CYP11B2: variants seen among roughly 807,000 people sequenced by gnomAD.
CYP11B2 encodes cytochrome P450 family 11 subfamily B member 2.
In CYP11B2, 38 loss-of-function variants were observed where a neutral mutation model predicts 49.3. The ratio of observed to expected loss-of-function variants is 0.77; its 90% confidence interval spans 0.59 to 1.01. CYP11B2 has a LOEUF of 1.01. CYP11B2 is among the 50% of genes least tolerant of loss of function. The probability of loss-of-function intolerance (pLI) is 0.00; values close to 1 mark genes in which losing one functional copy is unlikely to be tolerated. For missense variants in CYP11B2, 669 were observed against 655.5 expected, an observed-to-expected ratio of 1.02 and a Z score of -0.23; for synonymous variants, 290 against 269.3, an observed-to-expected ratio of 1.08 and a Z score of -0.75.
chr8:142,913,643 G>A (rs1413851278), intron 5 of CYP11B2, among the ~76,000 whole-genome samples, 192 bp from the exon 6 acceptor site: 2 of 152,090 alleles, frequency 1.3e-5, no homozygotes, highest in African/African-American at 2.4e-5. Context: ...AGGGAAAGGT[G>A]ACCCCCATCT....
intron 5 of CYP11B2, 34 bp downstream of exon 5, chr8:142,914,230 A>G: frequency 2.5e-6 from 4 of 1,613,410 alleles, no homozygotes; most frequent in Non-Finnish European, 3.4e-6. Context: ...GCTTGGCATC[A>G]CCCTCTCTGG....
At chr8:142,912,437 C>A (rs1301707680) in intron 8 of CYP11B2, 93 bp downstream of exon 8, 11 of 1,378,690 alleles carry the variant, frequency 8.0e-6, no homozygotes, top group Non-Finnish European at 1.0e-5. Context: ...TCCACTGTTC[C>A]CAGGTGTCAA....
rs1311444460 is a variant in CYP11B2 at position 142,912,585 on chromosome 8, C to T, written c.1343G>A (p.Arg448His). ...TGCCAGGCGCCGCCCGAGGCACTGG[C>T]GCATGCCAAAGCCAAAGGGCACGTG... ...FHHVPFGFGM[R>H]QCLGRRLAEA... The change falls in exon 8 of 9, where the codon CGC becomes CAC. Residue 448 changes from arginine to histidine, a missense_variant. Physicochemically the swap from Arg to His is conservative, Grantham distance 29 (BLOSUM62 0). Coordinates refer to ENST00000323110, the MANE Select transcript of CYP11B2 (RefSeq NM_000498.3). 9 of 1,614,042 alleles carry T rather than the reference C, an allele frequency of 5.6e-6. No individual in the cohort carries two copies. In the Admixed American group the frequency reaches 6.7e-5, roughly 12 times the overall value.
chr8:142,911,067 C>T lies in CYP11B2; in HGVS notation c.*913G>A, dbSNP rs1817524543. 6.6e-6 allele frequency: 1 copy of T among 152,112 alleles called. No individual in the cohort carries two copies. The highest frequency in any genetic ancestry group is 6.5e-5 in the Admixed American group (1 of 15,276). The allele number at this position is 152,112 out of a possible 1,614,324, so 9.4% of individuals were successfully genotyped here. ...GAACTGCAGCCTCCCTGTGCCCACCCCAGGTCGTGGCACATGACATGGCTC... is the reference window on the plus strand; with the variant it reads ...GAACTGCAGCCTCCCTGTGCCCACCTCAGGTCGTGGCACATGACATGGCTC... On this transcript the variant is annotated 3_prime_UTR_variant, in exon 9 of 9. Transcript: ENST00000323110.
At chr8:142,913,574 C>A in intron 5 of CYP11B2, 123 bp from the exon 6 acceptor site, 1 of 1,152,332 alleles carries the variant, frequency 8.7e-7, no homozygotes, top group Non-Finnish European at 1.3e-6. Flanking sequence ...AAAACAGAGC[C>A]CTGGGACCCC....
At chr8:142,912,506 G>GCCCCC in intron 8 of CYP11B2, 24 bp downstream of exon 8, 5 of 1,531,922 alleles carry the variant, frequency 3.3e-6, no homozygotes, top group Non-Finnish European at 4.5e-6. Flanking sequence ...CCCAGGTCCC[G>GCCCCC]CCCCCGCCCC....
At chr8:142,913,133 C>G (rs1302039771) in intron 6 of CYP11B2, 152 bp downstream of exon 6, 2 of 959,898 alleles carry the variant, frequency 2.1e-6, no homozygotes, top group African/African-American at 3.3e-5. Context: ...AAGAAGAGCT[C>G]CCTGTCCTTG....
chr8:142,916,120 CAGGTACAGAG>C (rs529279948), intron 2 of CYP11B2, among the ~76,000 whole-genome samples: 123 of 152,232 alleles, frequency 8.1e-4, no homozygotes, highest in African/African-American at 2.9e-3. Flanking sequence ...TGTGCAAATG[CAGGTACAGAG>C]AAACACACAG....
At chr8:142,914,468 C>T (rs373759720) in intron 4 of CYP11B2, 50 bp from the exon 5 acceptor site, 38 of 1,531,976 alleles carry the variant, frequency 2.5e-5, no homozygotes, top group Non-Finnish European at 3.3e-5. Flanking sequence ...TGGGAAGCAT[C>T]CTTCAGTGTC....
intron 6 of CYP11B2, 65 bp downstream of exon 6, chr8:142,913,220 C>G (rs1416752957): frequency 7.0e-6 from 11 of 1,567,118 alleles, no homozygotes; most frequent in Admixed American, 1.7e-5. Context: ...TGTCTGCCAC[C>G]ACCCAGTGGG....
At chr8:142,917,460 T>C (rs1261255545) in intron 1 of CYP11B2, 142 bp downstream of exon 1, 17 of 1,608,996 alleles carry the variant, frequency 1.1e-5, no homozygotes, top group Middle Eastern at 1.7e-4. Context: ...CAGACCAGCA[T>C]GTGCTGCACT....
rs1473893692 is a variant in CYP11B2 at position 142,915,297 on chromosome 8, C to G, written c.396-52G>C. On this transcript the variant is annotated intron_variant, in intron 2 of 8. Transcript: ENST00000323110. Reference sequence around the variant, plus strand: ...AGGCCGCCCCAGCAAGACACAGGCCCTGACCCGTATCCCATCCTCCTTGTC... The same window carrying G: ...AGGCCGCCCCAGCAAGACACAGGCCGTGACCCGTATCCCATCCTCCTTGTC... 4.0e-6 allele frequency: 6 copies of G among 1,481,680 alleles called. No homozygotes were observed. In the South Asian group the frequency reaches 7.2e-5, roughly 18 times the overall value. 91.8% of individuals were successfully genotyped at this position (1,481,680 alleles called of 1,614,324 possible). A position where few individuals can be genotyped will look rare whatever the true frequency, so the allele number is the denominator to read the frequency against.
chr8:142,912,087 T>C lies in CYP11B2; in HGVS notation c.1405A>G (p.Lys469Glu). The C allele has an allele frequency of 6.2e-7, 1 of 1,613,988 alleles. No individual in the cohort carries two copies. Among genetic ancestry groups the C allele is most frequent in the Non-Finnish European group, 8.5e-7 (1 of 1,179,920 alleles). Reference sequence around the variant, plus strand: ...GTTAGTGTCTCCACCAGGAAGTGCTTCAGCACCTAGGACAGAGGCTGGGTT... The same window carrying C: ...GTTAGTGTCTCCACCAGGAAGTGCTCCAGCACCTAGGACAGAGGCTGGGTT... ...EMLLLLHHVL[K>E]HFLVETLTQE... The change falls in exon 9 of 9, where the codon AAG (lysine) becomes GAG (glutamate). Residue 469 changes from lysine (K) to glutamate (E), a missense_variant. Physicochemically the swap from Lys to Glu is moderately conservative, Grantham distance 56. Transcript: ENST00000323110.
At chr8:142,914,132 C>T in intron 5 of CYP11B2, 132 bp downstream of exon 5, 1 of 1,038,282 alleles carries the variant, frequency 9.6e-7, no homozygotes. Flanking sequence ...AGGGGGAAGG[C>T]TGAGGGCAAC....
intron 2 of CYP11B2, among the ~76,000 whole-genome samples, chr8:142,915,461 G>T (rs28497862): frequency 0.4 from 59,784 of 149,754 alleles, 12,699 homozygotes; most frequent in Non-Finnish European, 0.46. Flanking sequence ...GGGATGAGAT[G>T]GTAGCTTCTG....
Position 142,917,702 on chromosome 8 carries a change from T to C in CYP11B2, c.139A>G (p.Asn47Asp), listed in dbSNP as rs759479371. The stretch of plus-strand genomic sequence containing the variant: ...ATCTGCAGCAGCCTCAGCCACCTGT[T>C]GCCTGGATGCTGGGGCATGGCTTCA... ...PFEAMPQHPG[N>D]RWLRLLQIWR... The change falls in exon 1 of 9, where the codon AAC (asparagine) becomes GAC (aspartate). Residue 47 changes from asparagine (N) to aspartate (D), a missense_variant. Physicochemically the swap from Asn to Asp is conservative, Grantham distance 23 (BLOSUM62 1). Coordinates refer to ENST00000323110, the MANE Select transcript of CYP11B2 (RefSeq NM_000498.3). 6.2e-7 allele frequency: 1 copy of C among 1,614,156 alleles called. No individual in the cohort carries two copies. The highest frequency in any genetic ancestry group is 1.1e-5 in the South Asian group (1 of 91,084).
intron 2 of CYP11B2, chr8:142,916,375 C>T (rs763409506): frequency 1.1e-5 from 5 of 456,138 alleles, no homozygotes; most frequent in South Asian, 7.8e-5. Flanking sequence ...GTGACATCCT[C>T]ATCCAGTCCT....
intron 4 of CYP11B2, 31 bp downstream of exon 4, chr8:142,914,674 C>T (rs2130329609): frequency 6.4e-7 from 1 of 1,566,036 alleles, no homozygotes; most frequent in African/African-American, 1.4e-5. Flanking sequence ...GTGTCCCTTC[C>T]CCATAGCACT....
At chr8:142,917,471 C>G (rs1354141091) in intron 1 of CYP11B2, 131 bp downstream of exon 1, 11 of 1,612,260 alleles carry the variant, frequency 6.8e-6, no homozygotes, top group Non-Finnish European at 9.3e-6. Flanking sequence ...GTGCTGCACT[C>G]CTTCCCCATC....
Sources: allele counts gnomAD v4.1 joint callset (sites outside exome capture counted in the v4.1 genomes callset), GRCh38; gene constraint gnomAD v4.1.1; transcripts MANE v1.5; gene names NCBI Gene and HGNC (gene_info 2026-07-23, HGNC 2026-07-21).